PTPN21: variants seen among roughly 807,000 people sequenced by gnomAD.
PTPN21 encodes the protein tyrosine-protein phosphatase non-receptor type 21.
In PTPN21, 77 loss-of-function variants were observed where a neutral mutation model predicts 131.8. That is an observed-to-expected ratio of 0.58 (90% CI 0.49 to 0.71). The LOEUF (loss-of-function observed/expected upper bound fraction) is 0.71, where lower values mean the gene tolerates loss of function less well. Among genes scored for constraint, PTPN21 ranks in the 30% least tolerant of loss-of-function variants. The pLI, the probability that PTPN21 is intolerant of heterozygous loss-of-function variation, is 0.00. For synonymous variants in PTPN21, 715 were observed against 621.3 expected, an observed-to-expected ratio of 1.15 and a Z score of -2.24; for missense variants, 1,552 against 1,527.1, an observed-to-expected ratio of 1.02 and a Z score of -0.27.
At chr14:88,487,118 A>G (rs2077749080) in intron 10 of PTPN21, among the ~76,000 whole-genome samples, 1 of 151,994 alleles carries the variant, frequency 6.6e-6, no homozygotes, top group Non-Finnish European at 1.5e-5. Flanking sequence ...AAACAGACAC[A>G]GAAAAGCCCA....
rs995918261 is a variant in PTPN21, at chr14:88,469,967, T to C, written c.2955A>G (p.Val985=). The C allele has an allele frequency of 4.3e-6, 7 of 1,614,100 alleles. No individual in the cohort carries two copies. Among genetic ancestry groups the C allele is most frequent in the Non-Finnish European group, 5.9e-6 (7 of 1,179,972 alleles). ...QNTCQDFWQM[V]WEQGIAIIAM... ...CTATAATTGCAATTCCCTGTTCCCA[T>C]ACCATCTGCCAAAAATCTTGACAGG... Residue 985 remains valine, a synonymous_variant, in exon 16 of 19, where the codon GTA becomes GTG. Coordinates refer to ENST00000556564, the MANE Select transcript of PTPN21 (RefSeq NM_007039.4). The surrounding 1 kb of genome is among the most constrained non-coding windows in gnomAD (Gnocchi z 4.3).
intron 6 of PTPN21, among the ~76,000 whole-genome samples, chr14:88,501,748 G>A (rs2078011144): frequency 6.6e-6 from 1 of 151,982 alleles, no homozygotes; most frequent in African/African-American, 2.4e-5. Flanking sequence ...GGAAGCCAAG[G>A]ACAAAGGACC....
intron 2 of PTPN21, among the ~76,000 whole-genome samples, chr14:88,524,741 C>CA (rs1222415488): frequency 6.6e-6 from 1 of 151,766 alleles, no homozygotes; most frequent in African/African-American, 2.4e-5. Context: ...CCTGTCTTTA[C>CA]AAAAAATTTT....
In PTPN21 at chr14:88,522,434, AAAAAAAAAAG is replaced by A. The variant is rs1404219784; in HGVS notation, c.181-5183_181-5174del. Among the ~76,000 whole-genome samples, 5 of 150,786 alleles carry A rather than the reference AAAAAAAAAAG, an allele frequency of 3.3e-5. No individual in the cohort carries two copies. In the South Asian group the frequency reaches 8.3e-4, roughly 25 times the overall value. On this transcript the variant is annotated intron_variant, in intron 2 of 18. Coordinates refer to ENST00000556564, the MANE Select transcript of PTPN21 (RefSeq NM_007039.4). ...GACAGAGCAAGACTGTCTCAAAAAA[AAAAAAAAAAG>A]AAAAAAAGAAAGGTGGGCTTAGTAA...
chr14:88,511,821 T>C (rs1027070384), intron 3 of PTPN21, among the ~76,000 whole-genome samples: 1 of 152,150 alleles, frequency 6.6e-6, no homozygotes, highest in Non-Finnish European at 1.5e-5. Context: ...GATTAAATAT[T>C]TTATCTAAAT....
At chr14:88,535,101 T>TA (rs2078611351) in intron 2 of PTPN21, among the ~76,000 whole-genome samples, 1 of 152,126 alleles carries the variant, frequency 6.6e-6, no homozygotes, top group Non-Finnish European at 1.5e-5. Context: ...TTTCTATGCT[T>TA]AGATATGTTT....
chr14:88,541,613 C>T (rs932741625), intron 2 of PTPN21, among the ~76,000 whole-genome samples: 10 of 152,134 alleles, frequency 6.6e-5, no homozygotes, highest in Admixed American at 5.2e-4. Context: ...GGAATTCCCA[C>T]TCATGACCTC....
intron 2 of PTPN21, among the ~76,000 whole-genome samples, chr14:88,541,979 G>A (rs895796352): frequency 6.6e-6 from 1 of 152,094 alleles, no homozygotes; most frequent in South Asian, 2.1e-4. Flanking sequence ...GGAGAGAGTG[G>A]CTATGAACCA....
At chr14:88,483,153 A>G (rs1036225252) in intron 12 of PTPN21, among the ~76,000 whole-genome samples, 1 of 150,120 alleles carries the variant, frequency 6.7e-6, no homozygotes, top group African/African-American at 2.5e-5. Flanking sequence ...CAGGGCTTGC[A>G]GTGAGCCGAG....
intron 13 of PTPN21, 71 bp downstream of exon 13, chr14:88,478,849 G>T (rs1160246410): frequency 1.9e-6 from 2 of 1,037,438 alleles, no homozygotes; most frequent in East Asian, 2.8e-5. Context: ...AACACGGGAC[G>T]TGATGAGTGA....
At chr14:88,525,488 T>G (rs1197627024) in intron 2 of PTPN21, among the ~76,000 whole-genome samples, 1 of 152,128 alleles carries the variant, frequency 6.6e-6, no homozygotes, top group Non-Finnish European at 1.5e-5. Flanking sequence ...ATTAGGGAAA[T>G]GCAACTCAGA....
chr14:88,523,406 A>C (rs958523031), intron 2 of PTPN21, among the ~76,000 whole-genome samples: 1 of 152,158 alleles, frequency 6.6e-6, no homozygotes, highest in Admixed American at 6.6e-5. Context: ...AATGATAAAA[A>C]ACACCTAGAA....
At chr14:88,550,648 G>C in intron 1 of PTPN21, 29 bp from the exon 2 acceptor site, 2 of 465,838 alleles carry the variant, frequency 4.3e-6, no homozygotes, top group South Asian at 6.8e-5. Flanking sequence ...CGTTAGTTAA[G>C]CAAACGTAAC....
chr14:88,470,068 TAA>T lies in PTPN21; in HGVS notation c.2872-20_2872-19del, dbSNP rs748514941. The T allele has an allele frequency of 3.1e-6, 5 of 1,608,826 alleles. No individual in the cohort carries two copies. In the African/African-American group the frequency reaches 6.7e-5, roughly 22 times the overall value. On this transcript the variant is annotated intron_variant, in intron 15 of 18. Coordinates refer to ENST00000556564, the MANE Select transcript of PTPN21 (RefSeq NM_007039.4). ...ACAGAGACCTGGGATTAGAAAAGGT[TAA>T]AAAAATTGATGTGTGGGTATAATAT...
intron 3 of PTPN21, among the ~76,000 whole-genome samples, chr14:88,510,548 A>T (rs1332625526): frequency 6.7e-6 from 1 of 148,162 alleles, no homozygotes; most frequent in East Asian, 2.0e-4. Context: ...AGTTATAGAT[A>T]TTTCTAGTAT....
chr14:88,547,771 A>G (rs1380372180), intron 2 of PTPN21: 1 of 426,246 alleles, frequency 2.3e-6, no homozygotes, highest in African/African-American at 2.0e-5. Context: ...CCCTCCTCTA[A>G]TCTACCATGA....
At position 88,497,214 on chromosome 14, in the gene PTPN21, G is replaced by A; in HGVS notation, c.841C>T (p.Gln281Ter). The part of the protein sequence containing the change: ...LELANKEETI[Q>*]FQTEDMETAK... ...TAATGTTTACTCACAGTTTGAAATT[G>A]AATGGTCTCCTCTTTATTTGCCAGC... The change falls in exon 9 of 19, where the codon CAA becomes TAA. Residue 281 changes from glutamine to a stop codon, truncating the protein, a stop_gained. Coordinates refer to ENST00000556564, the MANE Select transcript of PTPN21 (RefSeq NM_007039.4). LOFTEE classifies it high-confidence loss of function. 6.2e-7 allele frequency: 1 copy of A among 1,606,500 alleles called. No homozygotes were observed. Among genetic ancestry groups the A allele is most frequent in the Non-Finnish European group, 8.5e-7 (1 of 1,173,148 alleles).
intron 12 of PTPN21, among the ~76,000 whole-genome samples, chr14:88,483,028 C>A (rs958494641): frequency 6.6e-6 from 1 of 151,600 alleles, no homozygotes; most frequent in Admixed American, 6.6e-5. Context: ...CTGGCTAACA[C>A]GGTGAAACCC....
intron 10 of PTPN21, among the ~76,000 whole-genome samples, chr14:88,495,352 G>A (rs547903182): frequency 3.6e-4 from 55 of 152,262 alleles, no homozygotes; most frequent in Admixed American, 3.5e-3. Context: ...GCTTGCGGTA[G>A]GATGCAGGAG....
Sources: gnomAD v4.1 joint callset for allele counts (sites outside exome capture counted in the v4.1 genomes callset) on GRCh38, gnomAD v4.1.1 for gene constraint, Gnocchi (gnomAD v3.1) non-coding constraint, MANE v1.5 for transcripts, NCBI Gene and HGNC (gene_info 2026-07-23, HGNC 2026-07-21) for gene names.